The following ENTPD1 variants were observed in gnomAD, a reference collection of about 807,000 sequenced individuals.
ENTPD1 encodes the protein ectonucleoside triphosphate diphosphohydrolase 1, also known as ATP diphosphohydrolase.
Under a neutral mutation model 57.0 loss-of-function variants are expected in ENTPD1, and 33 were observed. The observed-to-expected ratio is 0.58, with a 90% confidence interval of 0.44 to 0.77. The LOEUF (loss-of-function observed/expected upper bound fraction) is 0.77. Among genes scored for constraint, ENTPD1 ranks in the 30% least tolerant of loss-of-function variants. ENTPD1 has a pLI of 0.00. For synonymous variants in ENTPD1, 202 were observed against 218.8 expected, an observed-to-expected ratio of 0.92 and a Z score of 0.68; for missense variants, 501 against 603.4, an observed-to-expected ratio of 0.83 and a Z score of 1.78.
intron 1 of ENTPD1, among the ~76,000 whole-genome samples, chr10:95,720,787 A>C (rs957183446): frequency 1.3e-5 from 2 of 152,150 alleles, no homozygotes; most frequent in African/African-American, 2.4e-5. Context: ...TATTTGGACA[A>C]TCTGCTTTAA....
chr10:95,799,318 C>G (rs1364507154), intron 1 of ENTPD1, among the ~76,000 whole-genome samples: 1 of 152,086 alleles, frequency 6.6e-6, no homozygotes, highest in Non-Finnish European at 1.5e-5. Flanking sequence ...CCAATAGGCC[C>G]TAGTGTGTGT....
At chr10:95,762,686 A>C (rs2098070792) in intron 1 of ENTPD1, among the ~76,000 whole-genome samples, 1 of 152,024 alleles carries the variant, frequency 6.6e-6, no homozygotes, top group Admixed American at 6.6e-5. Context: ...CATATGTAGG[A>C]TTGCACTCTG....
At chr10:95,821,148 T>A (rs1181667394) in intron 1 of ENTPD1, among the ~76,000 whole-genome samples, 2 of 152,210 alleles carry the variant, frequency 1.3e-5, no homozygotes, top group Admixed American at 6.5e-5. Flanking sequence ...GGAACCAAAG[T>A]GGGGTGCCCT....
intron 1 of ENTPD1, among the ~76,000 whole-genome samples, chr10:95,725,372 A>G (rs915873784): frequency 3.3e-5 from 5 of 152,104 alleles, no homozygotes; most frequent in Non-Finnish European, 7.3e-5. Context: ...CCCCTCGGTG[A>G]GTATGGGTTA....
chr10:95,811,126 A>G (rs530739890), intron 1 of ENTPD1, among the ~76,000 whole-genome samples: 31 of 152,362 alleles, frequency 2.0e-4, no homozygotes, highest in African/African-American at 7.0e-4. Flanking sequence ...ACACAGATAC[A>G]TAACCCCAGA....
Position 95,872,210 on chromosome 10 carries a change from A to G in ENTPD1, c.*5827A>G. 1.0e-6 allele frequency: 1 copy of G among 985,470 alleles called. No individual in the cohort carries two copies. Among genetic ancestry groups the G allele is most frequent in the Non-Finnish European group, 1.2e-6 (1 of 829,940 alleles). The allele number at this position is 985,470 out of a possible 1,614,324, so 61.0% of individuals were successfully genotyped here. A position where few individuals can be genotyped will look rare whatever the true frequency, so the allele number is the denominator to read the frequency against. ...CTGTTGCTGCTAGATTAATCTTTGC[A>G]AAGCACAGGCTTAATTTCATTGCTG... On this transcript the variant is annotated 3_prime_UTR_variant, in exon 10 of 10. Transcript: ENST00000371205.
Position 95,874,440 on chromosome 10 carries a change from C to G in ENTPD1, c.*8057C>G, listed in dbSNP as rs118115265. 0.037 allele frequency among the ~76,000 whole-genome samples: 5,684 copies of G among 152,302 alleles called. 130 individuals are homozygous for G. Among genetic ancestry groups the G allele is most frequent in the Non-Finnish European group, 0.049 (3,355 of 67,998 alleles). ...AGAGATAGGTTCCCATGGTCTTGTG[C>G]AGCTCCGCCCCTGTGGCTTTGCAGA... is the stretch of plus-strand genomic sequence containing the variant. On this transcript the variant is annotated 3_prime_UTR_variant, in exon 10 of 10. Transcript: ENST00000371205.
At position 95,791,425 on chromosome 10, in the gene ENTPD1, C is replaced by A. The variant is rs2098203261; in HGVS notation, c.17-31812C>A. The stretch of plus-strand genomic sequence containing the variant: ...AGGATGGGGTTTATATACTGGCAAC[C>A]CATGAGGACTTGAAAAACAAATTTT... On this transcript the variant is annotated intron_variant, in intron 1 of 9. Transcript: ENST00000371205. This position sits in a 1 kb window ranked among gnomAD's most constrained non-coding sequence, Gnocchi z 4.1. Among the ~76,000 whole-genome samples the A allele has an allele frequency of 6.6e-6, 1 of 152,036 alleles. No individual in the cohort carries two copies. Among genetic ancestry groups the A allele is most frequent in the Non-Finnish European group, 1.5e-5 (1 of 68,006 alleles).
intron 1 of ENTPD1, among the ~76,000 whole-genome samples, chr10:95,789,617 G>A (rs1008721521): frequency 2.0e-5 from 3 of 151,976 alleles, no homozygotes; most frequent in Non-Finnish European, 4.4e-5. Flanking sequence ...AAAAAATTAG[G>A]TAAAAGGTAT....
chr10:95,816,483 T>G (rs1283277180), intron 1 of ENTPD1, among the ~76,000 whole-genome samples: 1 of 152,120 alleles, frequency 6.6e-6, no homozygotes, highest in Non-Finnish European at 1.5e-5. Flanking sequence ...CTAAGGATCT[T>G]GAGATGAAAT....
rs1429935181 is a variant in ENTPD1, at chr10:95,827,784, CA to C, written c.144+4429del. Among the ~76,000 whole-genome samples the C allele has an allele frequency of 3.3e-5, 5 of 150,288 alleles. No individual in the cohort carries two copies. The South Asian group carries it at 6.3e-4, about 19-fold the overall frequency. On this transcript the variant is annotated intron_variant, in intron 2 of 9. Coordinates refer to ENST00000371205, the MANE Select transcript of ENTPD1 (RefSeq NM_001776.6). The stretch of plus-strand genomic sequence containing the variant: ...GGCATGAGCCACCACCATGCCCGGC[CA>C]AAAAAAAATTGTTAATGAGATATGT...
chr10:95,860,517 G>T lies in ENTPD1; in HGVS notation c.1123G>T (p.Glu375Ter). The change falls in exon 8 of 10, where the codon GAG becomes TAG. Residue 375 changes from glutamate (E) to a stop codon, truncating the protein, a stop_gained. Coordinates refer to ENST00000371205, the MANE Select transcript of ENTPD1 (RefSeq NM_001776.6). LOFTEE classifies it high-confidence loss of function. ...FVMKFLNLTSEKVSQEKVTEM... is the reference protein window; with the variant it reads ...FVMKFLNLTS ...GATGAAGTTTTTAAACTTGACATCA[G>T]AGAAAGTCTCTCAGGAAAAGGTGAC... 6.2e-7 allele frequency: 1 copy of T among 1,613,964 alleles called. No homozygotes were observed. Among genetic ancestry groups the T allele is most frequent in the South Asian group, 1.1e-5 (1 of 91,048 alleles).
At chr10:95,723,558 A>G (rs1032344111) in intron 1 of ENTPD1, among the ~76,000 whole-genome samples, 4 of 152,168 alleles carry the variant, frequency 2.6e-5, no homozygotes, top group African/African-American at 9.7e-5. Context: ...CTGAACCATT[A>G]GTACCTAGGA....
chr10:95,834,936 T>A (rs963239855), intron 2 of ENTPD1, among the ~76,000 whole-genome samples: 29 of 151,932 alleles, frequency 1.9e-4, no homozygotes, highest in Admixed American at 1.1e-3. Context: ...AAAAAAAAAA[T>A]TTAAAAATTT....
exon 1 of ENTPD1, chr10:95,711,837 C>T: frequency 6.9e-7 from 1 of 1,455,802 alleles, no homozygotes; most frequent in Non-Finnish European, 9.6e-7. Context: ...ATTAACCTGC[C>T]TTTTTTGTCA....
At chr10:95,707,765 C>A (rs951571464), upstream of ENTPD1, among the ~76,000 whole-genome samples, 3 of 152,070 alleles carry the variant, frequency 2.0e-5, no homozygotes, top group Non-Finnish European at 2.9e-5. Flanking sequence ...CCACTATGCC[C>A]AGCTAATTAT....
At chr10:95,833,223 A>C (rs1054779912) in intron 2 of ENTPD1, among the ~76,000 whole-genome samples, 15 of 152,256 alleles carry the variant, frequency 9.9e-5, no homozygotes, top group Non-Finnish European at 1.9e-4. Flanking sequence ...AACAATGTGA[A>C]TATCCTTAAT....
In ENTPD1 at chr10:95,876,346, G is replaced by GT; in HGVS notation, c.*9964dup. The GT allele has an allele frequency of 1.0e-6, 1 of 985,320 alleles. No homozygotes were observed. Among genetic ancestry groups the GT allele is most frequent in the Non-Finnish European group, 1.2e-6 (1 of 829,888 alleles). The allele number at this position is 985,320 out of a possible 1,614,324, so 61.0% of individuals were successfully genotyped here. A position where few individuals can be genotyped will look rare whatever the true frequency, so the allele number is the denominator to read the frequency against. ...AAATGGGGGCAAATACAGATAAATGGTAATTCTTAGAATGAACTACTCAGC... is the reference window on the plus strand; with the variant it reads ...AAATGGGGGCAAATACAGATAAATGGTTAATTCTTAGAATGAACTACTCAGC... On this transcript the variant is annotated 3_prime_UTR_variant, in exon 10 of 10. Coordinates refer to ENST00000371205, the MANE Select transcript of ENTPD1 (RefSeq NM_001776.6).
At chr10:95,709,816 A>G (rs186027687), upstream of ENTPD1, among the ~76,000 whole-genome samples, 29 of 152,222 alleles carry the variant, frequency 1.9e-4, no homozygotes, top group East Asian at 3.5e-3. Flanking sequence ...TCCAGGCTGA[A>G]GTGCAGTGGT....
Sources: allele counts gnomAD v4.1 joint callset (sites outside exome capture counted in the v4.1 genomes callset), GRCh38; gene constraint gnomAD v4.1.1; non-coding constraint Gnocchi (gnomAD v3.1); transcripts MANE v1.5; gene names NCBI Gene and HGNC (gene_info 2026-07-23, HGNC 2026-07-21).